Variants in CYTH3 observed in about 807,000 individuals in gnomAD.
CYTH3 encodes cytohesin 3, also known as cytohesin-3.
A neutral mutation model predicts 55.1 loss-of-function variants in CYTH3; 23 were observed. That is an observed-to-expected ratio of 0.42 (90% CI 0.30 to 0.59). The LOEUF is 0.59. Among genes scored for constraint, CYTH3 ranks in the 20% least tolerant of loss-of-function variants. CYTH3 has a pLI of 0.20. For synonymous variants in CYTH3, 249 were observed against 194.9 expected, an observed-to-expected ratio of 1.28 and a Z score of -2.31; for missense variants, 413 against 524.8, an observed-to-expected ratio of 0.79 and a Z score of 2.08.
chr7:6,245,167 T>C (rs897673902), intron 1 of CYTH3, among the ~76,000 whole-genome samples: 1 of 151,664 alleles, frequency 6.6e-6, no homozygotes, highest in Non-Finnish European at 1.5e-5. Context: ...GTGAAGAGAT[T>C]AGAATAGGTA....
intron 1 of CYTH3, among the ~76,000 whole-genome samples, chr7:6,259,899 C>T (rs1290776875): frequency 1.5e-5 from 2 of 133,306 alleles, no homozygotes; most frequent in Non-Finnish European, 3.1e-5. Flanking sequence ...GGCGTGATCT[C>T]GGCTCACCAC....
At chr7:6,268,672 G>T (rs1378739886) in intron 1 of CYTH3, among the ~76,000 whole-genome samples, 1 of 152,144 alleles carries the variant, frequency 6.6e-6, no homozygotes, top group Non-Finnish European at 1.5e-5. Flanking sequence ...TATATCTGCA[G>T]GTTAAATTCC....
chr7:6,164,797 G>T lies in CYTH3; in HGVS notation c.*147C>A. ...CCCCAGCCACGGCACGAGGCCTTGGGGATACCACCTGGGCCACGGTATGCT... is the reference window on the plus strand; with the variant it reads ...CCCCAGCCACGGCACGAGGCCTTGGTGATACCACCTGGGCCACGGTATGCT... On this transcript the variant is annotated 3_prime_UTR_variant, in exon 13 of 13. Coordinates refer to ENST00000350796, the MANE Select transcript of CYTH3 (RefSeq NM_004227.4). The T allele has an allele frequency of 2.3e-6, 2 of 887,792 alleles. No homozygotes were observed. The highest frequency in any genetic ancestry group is 3.6e-6 in the Non-Finnish European group (2 of 552,080). 55.0% of individuals were successfully genotyped at this position (887,792 alleles called of 1,614,324 possible). A position where few individuals can be genotyped will look rare whatever the true frequency, so the allele number is the denominator to read the frequency against.
At chr7:6,210,396 T>TG (rs1470365645) in intron 1 of CYTH3, among the ~76,000 whole-genome samples, 3 of 152,174 alleles carry the variant, frequency 2.0e-5, no homozygotes, top group African/African-American at 7.2e-5. Flanking sequence ...CAACAAGTCC[T>TG]CTTGAAGATG....
rs979960605 is a variant in CYTH3 at position 6,167,607 on chromosome 7, TC to T, written c.824-1798del. ...CTCCGGCTTGAAGCCCCCCAAAGGG[TC>T]CCACTGCACTCAGCTTTAAACCCAA... On this transcript the variant is annotated intron_variant, in intron 9 of 12. Coordinates refer to ENST00000350796, the MANE Select transcript of CYTH3 (RefSeq NM_004227.4). This position sits in a 1 kb window ranked among gnomAD's most constrained non-coding sequence, Gnocchi z 5.5. Among the ~76,000 whole-genome samples, 2 of 152,146 alleles carry T rather than the reference TC, an allele frequency of 1.3e-5. No homozygotes were observed. Among genetic ancestry groups the T allele is most frequent in the African/African-American group, 4.8e-5 (2 of 41,436 alleles).
intron 4 of CYTH3, among the ~76,000 whole-genome samples, chr7:6,185,228 T>G (rs1783605304): frequency 1.3e-5 from 2 of 152,338 alleles, no homozygotes; most frequent in South Asian, 4.1e-4. Flanking sequence ...GTTTTCACAG[T>G]GGCTAGAGTG....
At chr7:6,219,994 G>A (rs1204905048) in intron 1 of CYTH3, among the ~76,000 whole-genome samples, 1 of 152,086 alleles carries the variant, frequency 6.6e-6, no homozygotes, top group Non-Finnish European at 1.5e-5. Flanking sequence ...GAACTCAGAA[G>A]AGCCCACACT....
chr7:6,218,295 G>A (rs1315110252), intron 1 of CYTH3, among the ~76,000 whole-genome samples: 7 of 152,296 alleles, frequency 4.6e-5, no homozygotes, highest in Non-Finnish European at 5.9e-5. Context: ...CACAGAAGAA[G>A]GCAACGTGAT....
chr7:6,187,137 A>C, intron 3 of CYTH3, 21 bp from the exon 4 acceptor site: 1 of 1,610,552 alleles, frequency 6.2e-7, no homozygotes, highest in Non-Finnish European at 8.5e-7. Context: ...GAAATAATTT[A>C]AAAATCACTC....
At chr7:6,250,132 T>C (rs2115046308) in intron 1 of CYTH3, among the ~76,000 whole-genome samples, 1 of 152,276 alleles carries the variant, frequency 6.6e-6, no homozygotes, top group East Asian at 1.9e-4. Context: ...AGAAGTAGAC[T>C]CTTCACGCTT....
At chr7:6,201,993 G>C (rs1336914960) in intron 1 of CYTH3, among the ~76,000 whole-genome samples, 1 of 152,188 alleles carries the variant, frequency 6.6e-6, no homozygotes, top group Non-Finnish European at 1.5e-5. Flanking sequence ...CAAATATACT[G>C]ATCTTTACCA....
intron 1 of CYTH3, among the ~76,000 whole-genome samples, chr7:6,259,758 TATATATATATATA>T (rs1780244522): frequency 7.3e-5 from 2 of 27,322 alleles, no homozygotes; most frequent in Non-Finnish European, 1.0e-4. Flanking sequence ...ATATATATAT[TATATATATATATA>T]TTATATATAT....
chr7:6,242,965 C>A (rs888573477), intron 1 of CYTH3, among the ~76,000 whole-genome samples: 1 of 152,094 alleles, frequency 6.6e-6, no homozygotes, highest in African/African-American at 2.4e-5. Flanking sequence ...TTCCACAATG[C>A]AAGTTTCACA....
At chr7:6,181,888 T>G (rs1783512684) in intron 4 of CYTH3, among the ~76,000 whole-genome samples, 1 of 152,200 alleles carries the variant, frequency 6.6e-6, no homozygotes, top group African/African-American at 2.4e-5. Context: ...TGACACACAC[T>G]CCTAGTTTTC....
At chr7:6,263,722 T>C (rs1283897524) in intron 1 of CYTH3, among the ~76,000 whole-genome samples, 2 of 150,462 alleles carry the variant, frequency 1.3e-5, no homozygotes, top group Non-Finnish European at 3.0e-5. Context: ...CGCTTGAACC[T>C]GGGAGGTAGA....
chr7:6,174,682 G>A (rs1783296332), intron 5 of CYTH3, among the ~76,000 whole-genome samples: 1 of 151,796 alleles, frequency 6.6e-6, no homozygotes, highest in South Asian at 2.1e-4. Context: ...CGAGTAGCTG[G>A]GACTACAGGC....
At chr7:6,260,699 A>G (rs765560014) in intron 1 of CYTH3, among the ~76,000 whole-genome samples, 1 of 152,146 alleles carries the variant, frequency 6.6e-6, no homozygotes, top group Non-Finnish European at 1.5e-5. Context: ...CTGCAATGCC[A>G]CACAATCTTC....
chr7:6,242,439 C>T (rs1352553277), intron 1 of CYTH3, among the ~76,000 whole-genome samples: 5 of 147,230 alleles, frequency 3.4e-5, no homozygotes, highest in Admixed American at 1.4e-4. Context: ...TGCAGTGGCA[C>T]GATCTTGGCT....
At chr7:6,246,819 A>T (rs1779832293) in intron 1 of CYTH3, among the ~76,000 whole-genome samples, 1 of 152,156 alleles carries the variant, frequency 6.6e-6, no homozygotes, top group Non-Finnish European at 1.5e-5. Flanking sequence ...TTTCATTTGT[A>T]ACATCTGTAA....
Sources: allele counts gnomAD v4.1 joint callset (sites outside exome capture counted in the v4.1 genomes callset), GRCh38; gene constraint gnomAD v4.1.1; non-coding constraint Gnocchi (gnomAD v3.1); transcripts MANE v1.5; gene names NCBI Gene and HGNC (gene_info 2026-07-23, HGNC 2026-07-21).